RTRAF: variants seen among roughly 807,000 people sequenced by gnomAD.
RTRAF encodes tRNA-splicing ligase complex subunit RTRAF.
In RTRAF, 14 loss-of-function variants were observed where a neutral mutation model predicts 34.4. That is an observed-to-expected ratio of 0.41 (90% CI 0.27 to 0.64). The LOEUF (loss-of-function observed/expected upper bound fraction) is 0.64. Ranked by LOEUF, RTRAF falls within the 30% of genes least tolerant of loss-of-function variation. RTRAF has a pLI of 0.34. For missense variants in RTRAF, 291 were observed against 288.4 expected, an observed-to-expected ratio of 1.01 and a Z score of -0.06; for synonymous variants, 96 against 95.3, an observed-to-expected ratio of 1.01 and a Z score of -0.04.
Position 51,999,987 on chromosome 14 carries a change from C to T in RTRAF, c.462+191C>T, listed in dbSNP as rs967057418. 34 of 465,136 alleles carry T rather than the reference C, an allele frequency of 7.3e-5. No individual in the cohort carries two copies. In the Admixed American group the frequency reaches 7.5e-4, roughly 10 times the overall value. The allele number at this position is 465,136 out of a possible 1,614,324, so 28.8% of individuals were successfully genotyped here. A position where few individuals can be genotyped will look rare whatever the true frequency, so the allele number is the denominator to read the frequency against. ...GTTTTCTGCCTGCACTATGCTAAAT[C>T]CTTTGCAAAGATGTTCTCATTCAAT... On this transcript the variant is annotated intron_variant, in intron 5 of 7. Coordinates refer to ENST00000261700, the MANE Select transcript of RTRAF (RefSeq NM_016039.3).
chr14:52,006,241 G>A lies in RTRAF; in HGVS notation c.*1725G>A, dbSNP rs1362443277. 4 of 398,944 alleles carry A rather than the reference G, an allele frequency of 1.0e-5. No individual in the cohort carries two copies. Among genetic ancestry groups the A allele is most frequent in the Non-Finnish European group, 1.8e-5 (4 of 216,262 alleles). 24.7% of individuals were successfully genotyped at this position (398,944 alleles called of 1,614,324 possible). A position where few individuals can be genotyped will look rare whatever the true frequency, so the allele number is the denominator to read the frequency against. On this transcript the variant is annotated 3_prime_UTR_variant, in exon 8 of 8. Coordinates refer to ENST00000261700, the MANE Select transcript of RTRAF (RefSeq NM_016039.3). Reference sequence around the variant, plus strand: ...ATCAAGGGTAGTCTTATTCTCTAAAGAACATATTTAGATTAATATGCTCCC... The same window carrying A: ...ATCAAGGGTAGTCTTATTCTCTAAAAAACATATTTAGATTAATATGCTCCC...
chr14:51,989,696 C>G lies in RTRAF; in HGVS notation c.57C>G (p.Cys19Trp). 6.2e-7 allele frequency: 1 copy of G among 1,602,856 alleles called. No individual in the cohort carries two copies. The highest frequency in any genetic ancestry group is 8.5e-7 in the Non-Finnish European group (1 of 1,175,256). ...LDYHNPAGFN[C>W]KDETEFRNFI... ...ACCACAACCCCGCCGGCTTCAACTG[C>G]AAAGGTGAGGCGGCGGCCTCAGCCC... Residue 19 changes from cysteine (C) to tryptophan (W), a missense_variant, in exon 1 of 8, where the codon TGC becomes TGG. Coordinates refer to ENST00000261700, the MANE Select transcript of RTRAF (RefSeq NM_016039.3).
Position 52,004,561 on chromosome 14 carries a change from A to G in RTRAF, c.*45A>G, listed in dbSNP as rs1030493146. On this transcript the variant is annotated 3_prime_UTR_variant, in exon 8 of 8. Transcript: ENST00000261700. ...TCTCACCTACTTAGTACAGTTGGGA[A>G]CCATACACTTCTGGCATGTTTGGAA... The G allele has an allele frequency of 1.0e-5, 16 of 1,557,960 alleles. No homozygotes were observed. Among genetic ancestry groups the G allele is most frequent in the Non-Finnish European group, 1.4e-5 (16 of 1,149,048 alleles).
chr14:52,000,059 T>C (rs1347954202), intron 5 of RTRAF, among the ~76,000 whole-genome samples: 1 of 152,088 alleles, frequency 6.6e-6, no homozygotes, highest in Non-Finnish European at 1.5e-5. Context: ...TTTAAAAATA[T>C]ATATCATATG....
Position 52,008,586 on chromosome 14 carries a change from A to G in RTRAF, c.*4070A>G, listed in dbSNP as rs994204379. 2.0e-5 allele frequency: 3 copies of G among 152,160 alleles called. No individual in the cohort carries two copies. Among genetic ancestry groups the G allele is most frequent in the African/African-American group, 7.2e-5 (3 of 41,428 alleles). The allele number at this position is 152,160 out of a possible 1,614,324, so 9.4% of individuals were successfully genotyped here. A position where few individuals can be genotyped will look rare whatever the true frequency, so the allele number is the denominator to read the frequency against. On this transcript the variant is annotated 3_prime_UTR_variant, in exon 8 of 8. Transcript: ENST00000261700. ...TTTACCTGTATCACAAGGTTTTCTG[A>G]TTATTGTCACTATGTGGGAGAAGTC...
intron 6 of RTRAF, among the ~76,000 whole-genome samples, chr14:52,003,157 A>T (rs1301871401): frequency 6.6e-6 from 1 of 152,238 alleles, no homozygotes; most frequent in African/African-American, 2.4e-5. Context: ...ATACCAGCCT[A>T]TAACAATTTA....
chr14:51,993,350 T>G (rs960805193), intron 2 of RTRAF, among the ~76,000 whole-genome samples: 2 of 152,170 alleles, frequency 1.3e-5, no homozygotes, highest in African/African-American at 4.8e-5. Context: ...TTTAGATAGA[T>G]AATGATTTAT....
At chr14:52,003,978 TTTAAAGG>T in intron 6 of RTRAF, 2 of 563,356 alleles carry the variant, frequency 3.6e-6, no homozygotes, top group African/African-American at 1.9e-5. Context: ...TCCTGGTACA[TTTAAAGG>T]TTAACTTTTC....
intron 1 of RTRAF, 130 bp from the exon 2 acceptor site, chr14:51,991,187 C>T: frequency 2.2e-6 from 2 of 928,598 alleles, no homozygotes; most frequent in South Asian, 3.3e-5. Context: ...TCAACTCCCT[C>T]TTTTGGTTCA....
In RTRAF at chr14:52,008,059, T is replaced by G; in HGVS notation, c.*3543T>G. Reference sequence around the variant, plus strand: ...GCCCCCAGTGATCTCCATCTCCTCATGTATTATAGCCTTAAGCAATCCCCT... The same window carrying G: ...GCCCCCAGTGATCTCCATCTCCTCAGGTATTATAGCCTTAAGCAATCCCCT... On this transcript the variant is annotated 3_prime_UTR_variant, in exon 8 of 8. Coordinates refer to ENST00000261700, the MANE Select transcript of RTRAF (RefSeq NM_016039.3). The G allele has an allele frequency of 9.8e-7, 1 of 1,022,284 alleles. No homozygotes were observed. The highest frequency in any genetic ancestry group is 1.4e-6 in the Non-Finnish European group (1 of 694,490). The allele number at this position is 1,022,284 out of a possible 1,614,324, so 63.3% of individuals were successfully genotyped here.
rs372819788 is a variant in RTRAF, at chr14:52,006,616, G to T, written c.*2100G>T. On this transcript the variant is annotated 3_prime_UTR_variant, in exon 8 of 8. Transcript: ENST00000261700. Reference sequence around the variant, plus strand: ...TACTTGAGGTTGTTTTGAATGACACGCCGTCCAGTTCCATCAGGTAGTGTA... The same window carrying T: ...TACTTGAGGTTGTTTTGAATGACACTCCGTCCAGTTCCATCAGGTAGTGTA... The T allele has an allele frequency of 1.2e-6, 2 of 1,613,800 alleles. No homozygotes were observed. The highest frequency in any genetic ancestry group is 1.1e-5 in the South Asian group (1 of 91,078).
chr14:52,008,996 C>T lies in RTRAF; in HGVS notation c.*4480C>T, dbSNP rs73284356. ...GTTATAAGGAAACAAACAGGTTTAT[C>T]GTTAGAGCAGAAATAATGTTGAAAG... On this transcript the variant is annotated 3_prime_UTR_variant, in exon 8 of 8. Transcript: ENST00000261700. 2.0e-5 allele frequency: 3 copies of T among 152,232 alleles called. No homozygotes were observed. Among genetic ancestry groups the T allele is most frequent in the East Asian group, 1.9e-4 (1 of 5,192 alleles). The allele number at this position is 152,232 out of a possible 1,614,324, so 9.4% of individuals were successfully genotyped here. A position where few individuals can be genotyped will look rare whatever the true frequency, so the allele number is the denominator to read the frequency against.
intron 1 of RTRAF, among the ~76,000 whole-genome samples, chr14:51,991,017 A>G (rs986352009): frequency 6.6e-6 from 1 of 152,168 alleles, no homozygotes; most frequent in Non-Finnish European, 1.5e-5. Flanking sequence ...TCATAACTCT[A>G]TGAGGTAAGT....
intron 4 of RTRAF, 64 bp downstream of exon 4, chr14:51,998,644 T>C: frequency 9.8e-7 from 1 of 1,023,420 alleles, no homozygotes; most frequent in Admixed American, 2.4e-5. Flanking sequence ...TTTTTTTCTT[T>C]GAAGAATGAA....
intron 6 of RTRAF, chr14:52,003,920 A>G (rs1890656439): frequency 2.3e-6 from 1 of 426,130 alleles, no homozygotes; most frequent in Non-Finnish European, 4.2e-6. Context: ...CAATAAGGAT[A>G]TATTGTTTTG....
rs1890609032 is a variant in RTRAF, at chr14:52,002,035, G to T, written c.531+169G>T. 1.2e-5 allele frequency: 7 copies of T among 604,116 alleles called. No homozygotes were observed. In the South Asian group the frequency reaches 1.5e-4, roughly 13 times the overall value. The allele number at this position is 604,116 out of a possible 1,614,324, so 37.4% of individuals were successfully genotyped here. A position where few individuals can be genotyped will look rare whatever the true frequency, so the allele number is the denominator to read the frequency against. ...TAAAGCAAATTGAATGTATTCAGTG[G>T]CTAGGGGGTCATTTTTGAGTGAAAA... On this transcript the variant is annotated intron_variant, in intron 6 of 7. Coordinates refer to ENST00000261700, the MANE Select transcript of RTRAF (RefSeq NM_016039.3).
In RTRAF at chr14:52,004,778, C is replaced by CTAGAGACAATAT. The variant is rs1334791678; in HGVS notation, c.*263_*274dup. ...ATATATGCCAACCCCCAGCTTTGTC[C>CTAGAGACAATAT]TAGAGACAATATAGATCCTTAAGTC... On this transcript the variant is annotated 3_prime_UTR_variant, in exon 8 of 8. Transcript: ENST00000261700. 6.1e-6 allele frequency: 2 copies of CTAGAGACAATAT among 326,180 alleles called. No homozygotes were observed. The highest frequency in any genetic ancestry group is 1.1e-5 in the Non-Finnish European group (2 of 181,064). 20.2% of individuals were successfully genotyped at this position (326,180 alleles called of 1,614,324 possible).
At position 52,009,727 on chromosome 14, in the gene RTRAF, G is replaced by C. The variant is rs1566740280; in HGVS notation, c.*5211G>C. 1 of 152,270 alleles carries C rather than the reference G, an allele frequency of 6.6e-6. No homozygotes were observed. Among genetic ancestry groups the C allele is most frequent in the Non-Finnish European group, 1.5e-5 (1 of 68,122 alleles). The allele number at this position is 152,270 out of a possible 1,614,324, so 9.4% of individuals were successfully genotyped here. ...GAAGGAATAAGGGGCCGGGCGCAGT[G>C]GCTCATACCTATAATCCCAGCACTT... On this transcript the variant is annotated 3_prime_UTR_variant, in exon 8 of 8. Coordinates refer to ENST00000261700, the MANE Select transcript of RTRAF (RefSeq NM_016039.3).
Position 51,991,415 on chromosome 14 carries a change from A to T in RTRAF, c.160A>T (p.Ser54Cys), listed in dbSNP as rs779804988. The T allele has an allele frequency of 6.2e-7, 1 of 1,613,500 alleles. No homozygotes were observed. The highest frequency in any genetic ancestry group is 8.5e-7 in the Non-Finnish European group (1 of 1,179,576). Residue 54 changes from serine to cysteine, a missense_variant, in exon 2 of 8, where the codon AGC becomes TGC. Transcript: ENST00000261700. The stretch of plus-strand genomic sequence containing the variant: ...AGGGAATTTAAGAAACATCCACAGC[A>T]GCGACTGGCCCAAGTTCTTTGAAAA... ...DRGNLRNIHSSDWPKFFEKYL... is the reference protein window; with the variant it reads ...DRGNLRNIHSCDWPKFFEKYL...
Sources: allele counts gnomAD v4.1 joint callset (sites outside exome capture counted in the v4.1 genomes callset), GRCh38; gene constraint gnomAD v4.1.1; transcripts MANE v1.5; gene names NCBI Gene and HGNC (gene_info 2026-07-23, HGNC 2026-07-21).